CPXM2: variants seen among roughly 807,000 people sequenced by gnomAD.
CPXM2 encodes carboxypeptidase X, M14 family member 2, also known as inactive carboxypeptidase-like protein X2.
Under a neutral mutation model 86.1 loss-of-function variants are expected in CPXM2, and 66 were observed. The observed-to-expected ratio is 0.77, with a 90% confidence interval of 0.63 to 0.94. The LOEUF (loss-of-function observed/expected upper bound fraction) is 0.94, where lower values mean the gene tolerates loss of function less well. Among genes scored for constraint, CPXM2 ranks in the 40% least tolerant of loss-of-function variants. The probability of loss-of-function intolerance (pLI) is 0.00; values close to 1 mark genes in which losing one functional copy is unlikely to be tolerated. For missense variants in CPXM2, 948 were observed against 1,026.3 expected, an observed-to-expected ratio of 0.92 and a Z score of 1.04; for synonymous variants, 388 against 400.2, an observed-to-expected ratio of 0.97 and a Z score of 0.36.
chr10:123,781,190 G>A (rs952121671), intron 6 of CPXM2, among the ~76,000 whole-genome samples: 2 of 152,224 alleles, frequency 1.3e-5, no homozygotes, highest in Admixed American at 6.5e-5. Flanking sequence ...GCACCCTGGC[G>A]GGTATAATCA....
At chr10:123,901,623 A>G (rs1019942548) in intron 2 of CPXM2, among the ~76,000 whole-genome samples, 7 of 152,210 alleles carry the variant, frequency 4.6e-5, no homozygotes, top group African/African-American at 1.4e-4. Context: ...GAAAGAGCCA[A>G]TCTTTCAAGA....
At chr10:123,813,125 T>C (rs1205074383) in intron 4 of CPXM2, among the ~76,000 whole-genome samples, 1 of 152,234 alleles carries the variant, frequency 6.6e-6, no homozygotes, top group Non-Finnish European at 1.5e-5. Context: ...GCCACATTCA[T>C]CTCTTAAAGA....
intron 2 of CPXM2, among the ~76,000 whole-genome samples, chr10:123,868,685 G>A (rs559660983): frequency 6.6e-6 from 1 of 152,084 alleles, no homozygotes; most frequent in Non-Finnish European, 1.5e-5. Context: ...AAGAGTATTT[G>A]GAAAATGTAC....
intron 8 of CPXM2, among the ~76,000 whole-genome samples, chr10:123,769,064 G>A (rs1846564297): frequency 6.6e-6 from 1 of 152,194 alleles, no homozygotes; most frequent in African/African-American, 2.4e-5. Context: ...TCTCTTTTGG[G>A]AGGCAATTAT....
intron 2 of CPXM2, among the ~76,000 whole-genome samples, chr10:123,869,270 G>A (rs919120042): frequency 1.3e-5 from 2 of 152,266 alleles, no homozygotes; most frequent in African/African-American, 4.8e-5. Flanking sequence ...GCAGGAAAGC[G>A]GGCTCCGACA....
At chr10:123,878,814 G>A (rs1050933636) in intron 2 of CPXM2, among the ~76,000 whole-genome samples, 23 of 152,242 alleles carry the variant, frequency 1.5e-4, no homozygotes, top group African/African-American at 5.1e-4. Flanking sequence ...TCAAGGCCAC[G>A]TCAGCCCTGT....
intron 3 of CPXM2, among the ~76,000 whole-genome samples, chr10:123,850,985 T>C (rs193098117): frequency 5.3e-5 from 8 of 152,350 alleles, no homozygotes; most frequent in African/African-American, 1.4e-4. Context: ...AACGCTTCCA[T>C]TGCCCTACAT....
chr10:123,802,765 C>G (rs1447922841), intron 4 of CPXM2, among the ~76,000 whole-genome samples: 1 of 152,162 alleles, frequency 6.6e-6, no homozygotes, highest in African/African-American at 2.4e-5. Flanking sequence ...TATTTGTACT[C>G]AGACCAGCAA....
chr10:123,769,133 T>C lies in CPXM2; in HGVS notation c.1103-411A>G, dbSNP rs545520669. 3.9e-5 allele frequency among the ~76,000 whole-genome samples: 6 copies of C among 152,304 alleles called. No individual in the cohort carries two copies. In the South Asian group the frequency reaches 1.0e-3, roughly 26 times the overall value. On this transcript the variant is annotated intron_variant, in intron 8 of 13. Transcript: ENST00000241305. The stretch of plus-strand genomic sequence containing the variant: ...AAGACAAATGAATATAAGCAGAGAA[T>C]AGTCCATCAGGGCAAATCAGCAGTG...
At chr10:123,792,087 C>T (rs573736890) in intron 6 of CPXM2, among the ~76,000 whole-genome samples, 2 of 152,278 alleles carry the variant, frequency 1.3e-5, no homozygotes, top group South Asian at 2.1e-4. Flanking sequence ...CGATTTAGCA[C>T]CATTAGCGAG....
At chr10:123,751,982 C>A (rs1846088881) in intron 13 of CPXM2, 1 of 985,342 alleles carries the variant, frequency 1.0e-6, no homozygotes. Context: ...GCTTATGAGG[C>A]CCCAGGGTCT....
At chr10:123,782,679 A>G (rs545036874) in intron 6 of CPXM2, among the ~76,000 whole-genome samples, 2 of 152,222 alleles carry the variant, frequency 1.3e-5, no homozygotes, top group African/African-American at 4.8e-5. Context: ...CCGGTTAGTC[A>G]TCTAAGCCTG....
rs1392303751 is a variant in CPXM2, at chr10:123,891,521, A to C, written c.139T>G (p.Tyr47Asp). The C allele has an allele frequency of 3.9e-6, 6 of 1,548,716 alleles. No individual in the cohort carries two copies. The South Asian group carries it at 6.0e-5, about 15-fold the overall frequency. Residue 47 changes from tyrosine (Y) to aspartate (D), a missense_variant, in exon 1 of 14, where the codon TAC becomes GAC. Physicochemically the swap from Tyr to Asp is radical, Grantham distance 160 (BLOSUM62 -3). Coordinates refer to ENST00000241305, the MANE Select transcript of CPXM2 (RefSeq NM_198148.3). The surrounding 1 kb of genome is among the most constrained non-coding windows in gnomAD (Gnocchi z 5.6). Reference sequence around the variant, plus strand: ...TCGAGCTCGGGCTCCGGGCGCGCGTAGTAGGGCTCCCGGCTCCAGATCTCC... The same window carrying C: ...TCGAGCTCGGGCTCCGGGCGCGCGTCGTAGGGCTCCCGGCTCCAGATCTCC... ...GQEIWSREPY[Y>D]ARPEPELETF...
chr10:123,846,729 G>A (rs1181424472), intron 3 of CPXM2, among the ~76,000 whole-genome samples: 2 of 152,180 alleles, frequency 1.3e-5, no homozygotes, highest in Non-Finnish European at 2.9e-5. Flanking sequence ...ACATGTAGGA[G>A]ACCCAGAGAG....
At chr10:123,916,740 C>A in intron 2 of CPXM2, among the ~76,000 whole-genome samples, 1 of 152,010 alleles carries the variant, frequency 6.6e-6, no homozygotes, top group East Asian at 1.9e-4. Context: ...ATTCCTCTAG[C>A]TCAAGCCACC....
chr10:123,842,300 A>T, intron 4 of CPXM2, 49 bp downstream of exon 4: 1 of 1,609,996 alleles, frequency 6.2e-7, no homozygotes, highest in African/African-American at 1.3e-5. Flanking sequence ...GACCCTCAAA[A>T]GCTAGACCCA....
intron 1 of CPXM2, among the ~76,000 whole-genome samples, chr10:123,890,956 C>G (rs544257452): frequency 9.2e-5 from 14 of 152,346 alleles, no homozygotes; most frequent in African/African-American, 3.4e-4. Flanking sequence ...AAACAGCCAG[C>G]CATCCACATC....
At chr10:123,867,527 C>CTTTTTT (rs34482126) in intron 2 of CPXM2, among the ~76,000 whole-genome samples, 85 of 92,914 alleles carry the variant, frequency 9.1e-4, no homozygotes, top group South Asian at 2.5e-3. Flanking sequence ...AGATTTCTTT[C>CTTTTTT]TTTTTTTTTT....
At chr10:123,917,370 C>A (rs1945541793) in intron 2 of CPXM2, among the ~76,000 whole-genome samples, 1 of 152,170 alleles carries the variant, frequency 6.6e-6, no homozygotes, top group Non-Finnish European at 1.5e-5. Flanking sequence ...CCCAGCCTGA[C>A]TTTTTTCAAC....
Sources: gnomAD v4.1 joint callset for allele counts (sites outside exome capture counted in the v4.1 genomes callset) on GRCh38, gnomAD v4.1.1 for gene constraint, Gnocchi (gnomAD v3.1) non-coding constraint, MANE v1.5 for transcripts, NCBI Gene and HGNC (gene_info 2026-07-23, HGNC 2026-07-21) for gene names.